Variants in CACNA1D observed in about 807,000 individuals in gnomAD.
CACNA1D encodes the protein calcium voltage-gated channel subunit alpha1 D, also known as voltage-dependent L-type calcium channel subunit alpha-1D.
CACNA1D carries 55 observed loss-of-function variants against 257.1 expected under a neutral mutation model. That is an observed-to-expected ratio of 0.21 (90% CI 0.17 to 0.27). CACNA1D has a LOEUF of 0.27. CACNA1D is among the 10% of genes least tolerant of loss of function. The pLI is 1.00. For missense variants in CACNA1D, 1,876 were observed against 2,784.0 expected (o/e 0.67, Z 7.34); for synonymous variants, 980 against 1,014.9 (o/e 0.97, Z 0.65).
In CACNA1D at chr3:53,745,817, A is replaced by G; in HGVS notation, c.3115-6A>G. On this transcript the variant is annotated splice_polypyrimidine_tract_variant and splice_region_variant and intron_variant, in intron 24 of 47. Coordinates refer to ENST00000350061, the MANE Select transcript of CACNA1D (RefSeq NM_001128840.3). The stretch of plus-strand genomic sequence containing the variant: ...TTACTTAACTGCCTGTCTATTTTAT[A>G]CCCAGGGGAAGTTCTATCGCTGTAC... The G allele has an allele frequency of 6.2e-7, 1 of 1,613,424 alleles. No individual in the cohort carries two copies. Among genetic ancestry groups the G allele is most frequent in the Non-Finnish European group, 8.5e-7 (1 of 1,179,308 alleles).
Position 53,745,743 on chromosome 3 carries a change from G to T in CACNA1D, c.3114+12G>T. The stretch of plus-strand genomic sequence containing the variant: ...TCCAGTTGTTCAAGGTAGAGGAACT[G>T]CCTCCAAGCATAAAACTCAGGTGGA... On this transcript the variant is annotated intron_variant, in intron 24 of 47. Transcript: ENST00000350061. 1 of 1,603,526 alleles carries T rather than the reference G, an allele frequency of 6.2e-7. No individual in the cohort carries two copies. The highest frequency in any genetic ancestry group is 1.1e-5 in the South Asian group (1 of 90,886).
intron 3 of CACNA1D, among the ~76,000 whole-genome samples, chr3:53,502,380 C>T (rs2090642662): frequency 6.6e-6 from 1 of 151,968 alleles, no homozygotes; most frequent in Admixed American, 6.6e-5. Flanking sequence ...TTAGTAAAAG[C>T]TTTGGGAAGT....
Position 53,673,392 on chromosome 3 carries a change from CT to C in CACNA1D, c.1220+273del, listed in dbSNP as rs1218611232. ...ATTTAAACAATTTCCATAGCATGCC[CT>C]TTTTTTGTCTGTTCTAAAGTGAGAT... On this transcript the variant is annotated intron_variant, in intron 8 of 47. Coordinates refer to ENST00000350061, the MANE Select transcript of CACNA1D (RefSeq NM_001128840.3). The surrounding 1 kb of genome is among the most constrained non-coding windows in gnomAD (Gnocchi z 4.1). Among the ~76,000 whole-genome samples, 8 of 152,028 alleles carry C rather than the reference CT, an allele frequency of 5.3e-5. No homozygotes were observed. The highest frequency in any genetic ancestry group is 1.3e-4 in the Admixed American group (2 of 15,268).
intron 3 of CACNA1D, among the ~76,000 whole-genome samples, chr3:53,634,803 G>A (rs759319651): frequency 2.0e-5 from 3 of 152,132 alleles, no homozygotes; most frequent in Non-Finnish European, 4.4e-5. Context: ...TGAGGAGACC[G>A]TTGCTTGGAG....
At chr3:53,561,313 C>T (rs142048843) in intron 3 of CACNA1D, among the ~76,000 whole-genome samples, 9 of 152,262 alleles carry the variant, frequency 5.9e-5, no homozygotes, top group South Asian at 4.2e-4. Flanking sequence ...AAGACTGCTG[C>T]GCTCTGGTCT....
At chr3:53,629,997 A>G (rs912264293) in intron 3 of CACNA1D, among the ~76,000 whole-genome samples, 3 of 151,948 alleles carry the variant, frequency 2.0e-5, no homozygotes, top group African/African-American at 7.3e-5. Flanking sequence ...AGCCCTGATG[A>G]CTCTCACTGG....
At chr3:53,691,691 G>GATATATATTACATATATAAA (rs2094521242) in intron 8 of CACNA1D, among the ~76,000 whole-genome samples, 1 of 111,790 alleles carries the variant, frequency 8.9e-6, no homozygotes, top group African/African-American at 3.5e-5. Flanking sequence ...ATATATTGCA[G>GATATATATTACATATATAAA]ATATATATTA....
chr3:53,708,709 A>T (rs6445598), intron 9 of CACNA1D, among the ~76,000 whole-genome samples: 14,455 of 152,254 alleles, frequency 0.095, 1,069 homozygotes, highest in African/African-American at 0.19. Context: ...TTAATTATGG[A>T]AGTAATATTT....
chr3:53,752,021 A>G, intron 28 of CACNA1D, 114 bp downstream of exon 28: 1 of 1,016,194 alleles, frequency 9.8e-7, no homozygotes, highest in East Asian at 2.4e-5. Flanking sequence ...TTTTCTGATG[A>G]GTCTGGGCTA....
intron 3 of CACNA1D, among the ~76,000 whole-genome samples, chr3:53,559,810 C>T (rs1264675482): frequency 1.3e-5 from 2 of 152,150 alleles, no homozygotes; most frequent in African/African-American, 4.8e-5. Flanking sequence ...CTCTGTTCTC[C>T]TGCATTACTT....
At chr3:53,675,581 C>G (rs544272118) in intron 8 of CACNA1D, among the ~76,000 whole-genome samples, 4 of 151,828 alleles carry the variant, frequency 2.6e-5, no homozygotes, top group East Asian at 1.9e-4. Flanking sequence ...GGAGCCAGAT[C>G]GTGAGGTGCT....
intron 3 of CACNA1D, among the ~76,000 whole-genome samples, chr3:53,567,326 C>T (rs2107669624): frequency 6.6e-6 from 1 of 152,304 alleles, no homozygotes; most frequent in East Asian, 1.9e-4. Context: ...CTGTAGGGAG[C>T]ACACAGTTTT....
At chr3:53,545,442 G>C (rs1470510547) in intron 3 of CACNA1D, among the ~76,000 whole-genome samples, 2 of 152,178 alleles carry the variant, frequency 1.3e-5, no homozygotes, top group Non-Finnish European at 2.9e-5. Context: ...CCTCGATTGG[G>C]CTTTTGCCCT....
At chr3:53,592,313 G>A (rs2093316760) in intron 3 of CACNA1D, among the ~76,000 whole-genome samples, 1 of 152,208 alleles carries the variant, frequency 6.6e-6, no homozygotes, top group Non-Finnish European at 1.5e-5. Context: ...CCAGGGCAGA[G>A]GGGATGGGCA....
intron 42 of CACNA1D, 116 bp downstream of exon 42, chr3:53,801,541 G>A (rs892772801): frequency 1.4e-5 from 19 of 1,327,846 alleles, no homozygotes; most frequent in South Asian, 2.4e-5. Flanking sequence ...GAGGTTCCCC[G>A]TAGGCATTTG....
intron 3 of CACNA1D, among the ~76,000 whole-genome samples, chr3:53,565,844 A>G (rs1388434527): frequency 6.6e-6 from 1 of 152,234 alleles, no homozygotes; most frequent in Non-Finnish European, 1.5e-5. Flanking sequence ...GAATTGAAAT[A>G]GAATACCCAG....
At chr3:53,635,128 G>A (rs750400495) in intron 3 of CACNA1D, among the ~76,000 whole-genome samples, 3 of 152,216 alleles carry the variant, frequency 2.0e-5, no homozygotes, top group Non-Finnish European at 4.4e-5. Context: ...ACCCTCCCCC[G>A]ATTTCACCTT....
intron 3 of CACNA1D, among the ~76,000 whole-genome samples, chr3:53,610,925 T>A (rs1289454981): frequency 6.6e-6 from 1 of 152,238 alleles, no homozygotes; most frequent in Non-Finnish European, 1.5e-5. Context: ...TGTAGTGTAT[T>A]TCTGTTGGCA....
rs750904996 is a variant in CACNA1D at position 53,502,052 on chromosome 3, C to CTT, written c.483+344_483+345dup. ...CTGATAATATTAGCTTTTTTCTTTT[C>CTT]TTTTTTTTTTTTTGTTTTTAATCTA... On this transcript the variant is annotated intron_variant, in intron 3 of 47. Transcript: ENST00000350061. Among the ~76,000 whole-genome samples the CTT allele has an allele frequency of 1.6e-4, 22 of 135,378 alleles. No homozygotes were observed. In the South Asian group the frequency reaches 3.3e-3, roughly 20 times the overall value. 88.8% of individuals were successfully genotyped at this position (135,378 alleles called of 152,430 possible). A position where few individuals can be genotyped will look rare whatever the true frequency, so the allele number is the denominator to read the frequency against.
Sources: allele counts gnomAD v4.1 joint callset (sites outside exome capture counted in the v4.1 genomes callset), GRCh38; gene constraint gnomAD v4.1.1; non-coding constraint Gnocchi (gnomAD v3.1); transcripts MANE v1.5; gene names NCBI Gene and HGNC (gene_info 2026-07-23, HGNC 2026-07-21).